Variants in GRIK2 observed in about 807,000 individuals in gnomAD.
GRIK2 encodes the protein glutamate ionotropic receptor kainate type subunit 2.
GRIK2 carries 32 observed loss-of-function variants against 100.3 expected under a neutral mutation model. The observed-to-expected ratio is 0.32, with a 90% confidence interval of 0.24 to 0.43. GRIK2 has a LOEUF of 0.43. Among genes scored for constraint, GRIK2 ranks in the 20% least tolerant of loss-of-function variants. The pLI is 1.00. For missense variants in GRIK2, 843 were observed against 1,114.9 expected (o/e 0.76, Z 3.47); for synonymous variants, 417 against 389.4 (o/e 1.07, Z -0.83).
Position 101,521,442 on chromosome 6 carries a change from C to T in GRIK2, c.116-100507C>T, listed in dbSNP as rs115023910. Among the ~76,000 whole-genome samples the T allele has an allele frequency of 7.0e-3, 1,069 of 151,942 alleles. 8 individuals are homozygous for T. Among genetic ancestry groups the T allele is most frequent in the African/African-American group, 0.022 (931 of 41,534 alleles). ...TGTTTCAGAAATTAACCATTTAAAG[C>T]ATGTTCATGCATATCTTCATTTGTG... On this transcript the variant is annotated intron_variant, in intron 2 of 16. Coordinates refer to ENST00000369134, the MANE Select transcript of GRIK2 (RefSeq NM_021956.5).
At chr6:101,799,549 A>G in intron 7 of GRIK2, 99 bp from the exon 8 acceptor site, 2 of 850,122 alleles carry the variant, frequency 2.4e-6, no homozygotes, top group South Asian at 3.0e-5. Context: ...AATGGGATAT[A>G]TATTTCCCTT....
At chr6:101,565,935 G>A (rs3056165) in intron 2 of GRIK2, among the ~76,000 whole-genome samples, 15,239 of 107,352 alleles carry the variant, frequency 0.14, 1,244 homozygotes, top group East Asian at 0.31. Flanking sequence ...ATATATATGT[G>A]TATATATATA....
At chr6:101,399,428 C>G (rs1449248900) in intron 2 of GRIK2, 36 bp downstream of exon 2, 9 of 1,022,478 alleles carry the variant, frequency 8.8e-6, no homozygotes, top group Non-Finnish European at 1.4e-5. Context: ...GCCTGGTATC[C>G]GCTCCCAGGC....
Position 101,399,155 on chromosome 6 carries a change from T to C in GRIK2, c.-123T>C, listed in dbSNP as rs1775141143. The C allele has an allele frequency of 5.9e-6, 4 of 682,752 alleles. No homozygotes were observed. The highest frequency in any genetic ancestry group is 8.1e-6 in the Non-Finnish European group (3 of 370,608). 42.3% of individuals were successfully genotyped at this position (682,752 alleles called of 1,614,324 possible). Reference sequence around the variant, plus strand: ...TGGGAAGCGGAGACTCCTTCCTCTCTCTATGACCATGCCGTGATCGTGTCT... The same window carrying C: ...TGGGAAGCGGAGACTCCTTCCTCTCCCTATGACCATGCCGTGATCGTGTCT... On this transcript the variant is annotated 5_prime_UTR_variant, in exon 2 of 17. Transcript: ENST00000369134.
chr6:101,524,718 G>GT (rs11339091), intron 2 of GRIK2, among the ~76,000 whole-genome samples: 341 of 134,256 alleles, frequency 2.5e-3, no homozygotes, highest in Middle Eastern at 3.7e-3. Context: ...TTGCATGTTC[G>GT]TTTTTTTTTT....
chr6:101,628,032 A>G (rs1239926366), intron 4 of GRIK2, among the ~76,000 whole-genome samples: 1 of 152,132 alleles, frequency 6.6e-6, no homozygotes, highest in South Asian at 2.1e-4. Context: ...GTGCTCTTTA[A>G]ATTAGAACAT....
intron 7 of GRIK2, among the ~76,000 whole-genome samples, chr6:101,696,588 G>T (rs566809803): frequency 2.6e-5 from 4 of 151,894 alleles, no homozygotes; most frequent in African/African-American, 9.7e-5. Context: ...AGCTACCAGC[G>T]AATGTTACTA....
At chr6:101,995,215 C>G (rs1320146517) in intron 14 of GRIK2, among the ~76,000 whole-genome samples, 1 of 151,860 alleles carries the variant, frequency 6.6e-6, no homozygotes, top group African/African-American at 2.4e-5. Flanking sequence ...GAAACTGAGT[C>G]AGATTGGGTG....
chr6:101,872,426 A>C (rs2128448887), intron 11 of GRIK2, among the ~76,000 whole-genome samples: 1 of 151,928 alleles, frequency 6.6e-6, no homozygotes, highest in South Asian at 2.1e-4. Flanking sequence ...AGCAGGGAAA[A>C]GTCCCTTATA....
In GRIK2 at chr6:101,889,631, T is replaced by G; in HGVS notation, c.1525-9T>G. ...TTTTTTTTTTTTTTTTGTTTGTTTCTGTCTACAGAAAGCTGACCTTGCAGT... is the reference window on the plus strand; with the variant it reads ...TTTTTTTTTTTTTTTTGTTTGTTTCGGTCTACAGAAAGCTGACCTTGCAGT... On this transcript the variant is annotated splice_polypyrimidine_tract_variant and intron_variant, in intron 11 of 16. Coordinates refer to ENST00000369134, the MANE Select transcript of GRIK2 (RefSeq NM_021956.5). 2 of 1,304,178 alleles carry G rather than the reference T, an allele frequency of 1.5e-6. No individual in the cohort carries two copies. Among genetic ancestry groups the G allele is most frequent in the Non-Finnish European group, 2.1e-6 (2 of 936,610 alleles). 80.8% of individuals were successfully genotyped at this position (1,304,178 alleles called of 1,614,324 possible).
Position 101,912,468 on chromosome 6 carries a change from A to G in GRIK2, c.1749-12133A>G, listed in dbSNP as rs542814135. 7.0e-4 allele frequency among the ~76,000 whole-genome samples: 106 copies of G among 151,674 alleles called. 1 individual carries two copies. The highest frequency in any genetic ancestry group is 2.7e-3 in the East Asian group (14 of 5,148). The stretch of plus-strand genomic sequence containing the variant: ...TTCATGCTCAAAGATTATGTTATCA[A>G]CAATGATTACCAGTGGTGGGAAAGC... On this transcript the variant is annotated intron_variant, in intron 12 of 16. Transcript: ENST00000369134.
intron 14 of GRIK2, among the ~76,000 whole-genome samples, chr6:102,034,572 C>T (rs1770164782): frequency 6.6e-6 from 1 of 151,302 alleles, no homozygotes; most frequent in African/African-American, 2.4e-5. Context: ...TTACCAGGGC[C>T]TTCTGAACAA....
rs1367400478 is a variant in GRIK2, at chr6:102,068,312, C to T, written c.2563-35C>T. The T allele has an allele frequency of 2.0e-6, 3 of 1,475,874 alleles. No homozygotes were observed. The South Asian group carries it at 3.5e-5, about 17-fold the overall frequency. The allele number at this position is 1,475,874 out of a possible 1,614,324, so 91.4% of individuals were successfully genotyped here. On this transcript the variant is annotated intron_variant, in intron 16 of 16. Transcript: ENST00000369134. ...TCTTGGACAGTTACAGTTTATGTAT[C>T]TTGTAATATTTAATTTTTCTGTGTT...
At chr6:101,434,737 C>T (rs538183643) in intron 2 of GRIK2, among the ~76,000 whole-genome samples, 1 of 152,100 alleles carries the variant, frequency 6.6e-6, no homozygotes, top group Non-Finnish European at 1.5e-5. Context: ...CACACCCGGT[C>T]CCTCATGGTG....
At chr6:101,698,692 G>A (rs753769367) in intron 7 of GRIK2, among the ~76,000 whole-genome samples, 2 of 151,974 alleles carry the variant, frequency 1.3e-5, no homozygotes, top group Non-Finnish European at 2.9e-5. Context: ...TCATGTGAAG[G>A]ATAAGAAAAA....
intron 14 of GRIK2, among the ~76,000 whole-genome samples, chr6:101,965,285 T>C (rs1010548544): frequency 2.6e-5 from 4 of 152,196 alleles, no homozygotes; most frequent in African/African-American, 4.8e-5. Flanking sequence ...AGGTGTATAG[T>C]GCTGTTTTGC....
chr6:101,923,925 C>CAAAAAA (rs768844963), intron 12 of GRIK2, among the ~76,000 whole-genome samples: 1 of 60,780 alleles, frequency 1.6e-5, no homozygotes, highest in Non-Finnish European at 3.6e-5. Context: ...ATTCTGTCTC[C>CAAAAAA]AAAAAAAAAA....
At chr6:101,725,992 A>G (rs1023172190) in intron 7 of GRIK2, among the ~76,000 whole-genome samples, 1 of 151,896 alleles carries the variant, frequency 6.6e-6, no homozygotes, top group African/African-American at 2.4e-5. Flanking sequence ...TATAAATTTA[A>G]TTAATAAAAA....
At chr6:101,492,005 G>A (rs891446025) in intron 2 of GRIK2, among the ~76,000 whole-genome samples, 2 of 151,472 alleles carry the variant, frequency 1.3e-5, no homozygotes, top group African/African-American at 4.8e-5. Context: ...GCATCTCATC[G>A]AGAGGTACAA....
Sources: gnomAD v4.1 joint callset for allele counts (sites outside exome capture counted in the v4.1 genomes callset) on GRCh38, gnomAD v4.1.1 for gene constraint, MANE v1.5 for transcripts, NCBI Gene and HGNC (gene_info 2026-07-23, HGNC 2026-07-21) for gene names.